CCNYL1: variants seen among roughly 807,000 people sequenced by gnomAD.
CCNYL1 encodes the protein cyclin Y like 1, also known as cyclin-Y-like protein 1.
A neutral mutation model predicts 44.2 loss-of-function variants in CCNYL1; 16 were observed. The observed-to-expected ratio is 0.36, with a 90% CI of 0.25 to 0.55. CCNYL1 has a LOEUF of 0.55. CCNYL1 is among the 20% of genes least tolerant of loss of function. The pLI is 0.85. For missense variants in CCNYL1, 348 were observed against 451.8 expected, an observed-to-expected ratio of 0.77 and a Z score of 2.08; for synonymous variants, 159 against 163.2, an observed-to-expected ratio of 0.97 and a Z score of 0.20.
rs369407902 is a variant in CCNYL1, at chr2:207,732,100, G to A, written c.331-1847G>A. On this transcript the variant is annotated intron_variant, in intron 3 of 9. Coordinates refer to ENST00000295414, the MANE Select transcript of CCNYL1 (RefSeq NM_001330218.2). The stretch of plus-strand genomic sequence containing the variant: ...GCTGGAATTACAGGTGTGAGCCACC[G>A]TGCCCAGCCCCACCTTCCACTTTGA... 3.1e-3 allele frequency among the ~76,000 whole-genome samples: 465 copies of A among 152,252 alleles called. 4 individuals are homozygous for A. Among genetic ancestry groups the A allele is most frequent in the East Asian group, 0.014 (70 of 5,184 alleles).
chr2:207,743,576 C>A (rs114996994), intron 7 of CCNYL1, among the ~76,000 whole-genome samples: 1 of 151,924 alleles, frequency 6.6e-6, no homozygotes, highest in Admixed American at 6.6e-5. Flanking sequence ...ATAGCAAGAC[C>A]CCCATCTCTA....
At chr2:207,716,882 G>T (rs1046025443) in intron 1 of CCNYL1, among the ~76,000 whole-genome samples, 1 of 152,144 alleles carries the variant, frequency 6.6e-6, no homozygotes, top group African/African-American at 2.4e-5. Context: ...GGCCGAGGCG[G>T]GTGGATCACG....
chr2:207,716,682 A>G (rs2091598131), intron 1 of CCNYL1, among the ~76,000 whole-genome samples: 1 of 152,238 alleles, frequency 6.6e-6, no homozygotes, highest in South Asian at 2.1e-4. Flanking sequence ...GTAACATCAT[A>G]CACAGTCTCA....
chr2:207,736,621 CAT>C (rs1268287854), intron 4 of CCNYL1, among the ~76,000 whole-genome samples: 1 of 152,096 alleles, frequency 6.6e-6, no homozygotes, highest in Admixed American at 6.5e-5. Flanking sequence ...CAAAATTGAT[CAT>C]AAATGATTTT....
chr2:207,722,509 T>G (rs1392646891), intron 1 of CCNYL1, among the ~76,000 whole-genome samples: 1 of 151,158 alleles, frequency 6.6e-6, no homozygotes, highest in East Asian at 2.0e-4. Flanking sequence ...GTACTTAATT[T>G]TCCTGGACTT....
chr2:207,724,485 G>C lies in CCNYL1; in HGVS notation c.221-315G>C, dbSNP rs141730824. Among the ~76,000 whole-genome samples the C allele has an allele frequency of 3.9e-3, 600 of 152,268 alleles. 2 individuals are homozygous for C. The highest frequency in any genetic ancestry group is 0.02 in the Middle Eastern group (6 of 294). ...TAATAGCAGTAGAGAGGAGAGTGTG[G>C]TTATATTTCTATTTGATAAGTTGAA... On this transcript the variant is annotated intron_variant, in intron 1 of 9. Coordinates refer to ENST00000295414, the MANE Select transcript of CCNYL1 (RefSeq NM_001330218.2).
chr2:207,713,996 ATACTTTCATG>A (rs1175787475), intron 1 of CCNYL1, among the ~76,000 whole-genome samples: 18 of 152,278 alleles, frequency 1.2e-4, no homozygotes, highest in African/African-American at 3.4e-4. Context: ...ATGAAAATAC[ATACTTTCATG>A]TACATGTAAT....
chr2:207,741,845 CAA>C (rs556032064), intron 6 of CCNYL1, among the ~76,000 whole-genome samples: 52 of 112,298 alleles, frequency 4.6e-4, no homozygotes, highest in Admixed American at 4.7e-4. Context: ...GACTGGGTCT[CAA>C]AAAAAAAAAA....
At chr2:207,730,030 G>C (rs1463103510) in intron 3 of CCNYL1, among the ~76,000 whole-genome samples, 2 of 152,114 alleles carry the variant, frequency 1.3e-5, no homozygotes, top group Non-Finnish European at 2.9e-5. Context: ...TCTTTTCTGA[G>C]ACTGTTCAGT....
In CCNYL1 at chr2:207,740,750, TTG is replaced by T. The variant is rs773641460; in HGVS notation, c.519+48_519+49del. 14 of 1,199,470 alleles carry T rather than the reference TTG, an allele frequency of 1.2e-5. No individual in the cohort carries two copies. The African/African-American group carries it at 2.0e-4, about 17-fold the overall frequency. 74.3% of individuals were successfully genotyped at this position (1,199,470 alleles called of 1,614,324 possible). A position where few individuals can be genotyped will look rare whatever the true frequency, so the allele number is the denominator to read the frequency against. ...GAGGTAGTATTTTTCTCTCATAGAG[TTG>T]TGTTTATTTCATGCTGATATTTATA... On this transcript the variant is annotated intron_variant, in intron 6 of 9. Coordinates refer to ENST00000295414, the MANE Select transcript of CCNYL1 (RefSeq NM_001330218.2).
At chr2:207,731,548 T>G (rs957236928) in intron 3 of CCNYL1, among the ~76,000 whole-genome samples, 2 of 152,276 alleles carry the variant, frequency 1.3e-5, no homozygotes, top group Admixed American at 1.3e-4. Context: ...TATATTATTA[T>G]GTTTGTCAAT....
chr2:207,725,864 A>G (rs1276289818), intron 2 of CCNYL1, among the ~76,000 whole-genome samples: 3 of 152,356 alleles, frequency 2.0e-5, no homozygotes, highest in African/African-American at 7.2e-5. Flanking sequence ...AAAAAGCTAT[A>G]TACAACCAGG....
At chr2:207,726,797 T>G (rs1362934880) in intron 2 of CCNYL1, 45 bp from the exon 3 acceptor site, 5 of 1,340,802 alleles carry the variant, frequency 3.7e-6, no homozygotes, top group Non-Finnish European at 5.2e-6. Flanking sequence ...TTTTATACTG[T>G]GGCATTTGTA....
At chr2:207,729,367 ATCTT>A (rs1441272206) in intron 3 of CCNYL1, among the ~76,000 whole-genome samples, 12 of 147,326 alleles carry the variant, frequency 8.1e-5, no homozygotes, top group African/African-American at 3.0e-4. Context: ...ATTCTATTGA[ATCTT>A]TCATCTTTTT....
At chr2:207,713,554 T>G (rs2105814534) in intron 1 of CCNYL1, among the ~76,000 whole-genome samples, 1 of 152,298 alleles carries the variant, frequency 6.6e-6, no homozygotes, top group South Asian at 2.1e-4. Context: ...GATTCTTGAA[T>G]AAAAACTAAT....
intron 7 of CCNYL1, among the ~76,000 whole-genome samples, chr2:207,742,771 G>C (rs1052750329): frequency 6.6e-6 from 1 of 152,156 alleles, no homozygotes; most frequent in African/African-American, 2.4e-5. Context: ...TGGTGATTGA[G>C]AACTATTGCC....
chr2:207,727,161 T>C (rs141074717), intron 3 of CCNYL1, among the ~76,000 whole-genome samples: 2 of 152,334 alleles, frequency 1.3e-5, no homozygotes, highest in Non-Finnish European at 1.5e-5. Context: ...TTAATCTTTT[T>C]AAAAATCAAG....
intron 3 of CCNYL1, among the ~76,000 whole-genome samples, chr2:207,731,258 GAA>G (rs1559168143): frequency 6.6e-6 from 1 of 152,018 alleles, no homozygotes; most frequent in Admixed American, 6.6e-5. Context: ...GGCACAATGG[GAA>G]AAGTCAGTGG....
At chr2:207,725,183 A>G (rs149986490) in intron 2 of CCNYL1, among the ~76,000 whole-genome samples, 240 of 149,370 alleles carry the variant, frequency 1.6e-3, no homozygotes, top group African/African-American at 5.6e-3. Flanking sequence ...CTGGAGTGCA[A>G]TGATGTGGCC....
Sources: gnomAD v4.1 joint callset for allele counts (sites outside exome capture counted in the v4.1 genomes callset) on GRCh38, gnomAD v4.1.1 for gene constraint, MANE v1.5 for transcripts, NCBI Gene and HGNC (gene_info 2026-07-23, HGNC 2026-07-21) for gene names.